EPHA6: variants seen among roughly 807,000 people sequenced by gnomAD.
The protein encoded by EPHA6 is ephrin type-A receptor 6.
In EPHA6, 50 loss-of-function variants were observed where a neutral mutation model predicts 112.0. The ratio of observed to expected loss-of-function variants is 0.45; its 90% CI spans 0.36 to 0.56. The LOEUF (loss-of-function observed/expected upper bound fraction) is 0.56. Among genes scored for constraint, EPHA6 ranks in the 20% least tolerant of loss-of-function variants. EPHA6 has a pLI of 0.00. For synonymous variants in EPHA6, 529 were observed against 490.7 expected (o/e 1.08, Z -1.03); for missense variants, 1,280 against 1,417.4 (o/e 0.90, Z 1.56).
chr3:97,214,059 G>T (rs9871739), intron 3 of EPHA6, among the ~76,000 whole-genome samples: 21,272 of 150,952 alleles, frequency 0.14, 1,945 homozygotes, highest in Non-Finnish European at 0.22. Context: ...GAGAGAGGGA[G>T]AGGGAGTCTC....
intron 2 of EPHA6, among the ~76,000 whole-genome samples, chr3:96,936,171 T>TA (rs2040571403): frequency 6.6e-6 from 1 of 152,096 alleles, no homozygotes. Context: ...TCTATTTTTT[T>TA]AAATGGAAAG....
intron 3 of EPHA6, among the ~76,000 whole-genome samples, chr3:97,155,741 A>G (rs1298956655): frequency 1.3e-5 from 2 of 152,104 alleles, no homozygotes; most frequent in African/African-American, 4.8e-5. Flanking sequence ...GCTGTCATCC[A>G]GGGACCAATT....
intron 13 of EPHA6, among the ~76,000 whole-genome samples, chr3:97,630,549 C>T (rs893005103): frequency 2.6e-5 from 4 of 151,968 alleles, no homozygotes; most frequent in Non-Finnish European, 5.9e-5. Context: ...AGAAGTAATC[C>T]TCCAAGGACT....
At chr3:97,363,253 C>G (rs2084505680) in intron 5 of EPHA6, among the ~76,000 whole-genome samples, 1 of 96,274 alleles carries the variant, frequency 1.0e-5, no homozygotes, top group Admixed American at 1.3e-4. Flanking sequence ...TCAGATGCTA[C>G]AAAAACTAAA....
chr3:97,376,568 T>C (rs1404065412), intron 5 of EPHA6, among the ~76,000 whole-genome samples: 1 of 152,324 alleles, frequency 6.6e-6, no homozygotes, highest in Admixed American at 6.5e-5. Context: ...TGTTGACTTC[T>C]TTTTCTGAAA....
chr3:97,036,147 G>T (rs1479354297), intron 3 of EPHA6, among the ~76,000 whole-genome samples: 1 of 151,910 alleles, frequency 6.6e-6, no homozygotes, highest in African/African-American at 2.4e-5. Flanking sequence ...CATTTTTGTT[G>T]TTTATAAGCC....
chr3:97,551,574 G>A (rs1429260410), intron 11 of EPHA6, among the ~76,000 whole-genome samples: 1 of 151,944 alleles, frequency 6.6e-6, no homozygotes, highest in African/African-American at 2.4e-5. Context: ...TTTGAAATAG[G>A]TTTAGTTTTT....
At chr3:97,544,563 T>C (rs2092917555) in intron 11 of EPHA6, among the ~76,000 whole-genome samples, 1 of 152,192 alleles carries the variant, frequency 6.6e-6, no homozygotes, top group Non-Finnish European at 1.5e-5. Context: ...CTTTTTTTGT[T>C]GTGTCTCTGC....
chr3:97,331,538 T>A (rs2082799216), intron 5 of EPHA6, among the ~76,000 whole-genome samples: 1 of 151,780 alleles, frequency 6.6e-6, no homozygotes, highest in African/African-American at 2.4e-5. Flanking sequence ...ATCAAATAGA[T>A]GCAATAAAAA....
chr3:97,171,564 A>G (rs976899622), intron 3 of EPHA6, among the ~76,000 whole-genome samples: 4 of 152,144 alleles, frequency 2.6e-5, no homozygotes, highest in African/African-American at 9.6e-5. Context: ...TAGAAGTGAC[A>G]TGATTTCTGG....
Position 97,448,726 on chromosome 3 carries a change from T to C in EPHA6, c.1890T>C (p.Asp630=), listed in dbSNP as rs759506060. Residue 630 remains aspartate, a synonymous_variant, in exon 7 of 18, where the codon GAT becomes GAC. Coordinates refer to ENST00000389672, the MANE Select transcript of EPHA6 (RefSeq NM_001080448.3). The part of the protein sequence containing the change: ...YSQKFEFETG[D]ETSDMAAEQG... ...AGAAATTTGAATTTGAAACAGGAGA[T>C]GAAAGTAAGTTTCACACAAGGATAT... 1 of 1,613,194 alleles carries C rather than the reference T, an allele frequency of 6.2e-7. No homozygotes were observed. The highest frequency in any genetic ancestry group is 8.5e-7 in the Non-Finnish European group (1 of 1,179,346).
intron 3 of EPHA6, among the ~76,000 whole-genome samples, chr3:97,213,710 T>C (rs1376716601): frequency 1.3e-5 from 2 of 152,168 alleles, no homozygotes; most frequent in Non-Finnish European, 2.9e-5. Flanking sequence ...TACTTCTACT[T>C]TGAGTCCTCA....
chr3:97,189,561 C>A (rs2077245536), intron 3 of EPHA6, among the ~76,000 whole-genome samples: 1 of 152,054 alleles, frequency 6.6e-6, no homozygotes, highest in Admixed American at 6.6e-5. Flanking sequence ...TGCAGTGCAA[C>A]AGGGTTCTAC....
At chr3:97,510,092 C>T (rs931223175) in intron 10 of EPHA6, among the ~76,000 whole-genome samples, 1 of 152,096 alleles carries the variant, frequency 6.6e-6, no homozygotes, top group African/African-American at 2.4e-5. Context: ...TTCCTCTAAC[C>T]TTTTCTCAAG....
chr3:97,575,517 TAA>T (rs1303172688), intron 11 of EPHA6, among the ~76,000 whole-genome samples: 1 of 152,106 alleles, frequency 6.6e-6, no homozygotes, highest in Non-Finnish European at 1.5e-5. Context: ...ATTCCTGGCA[TAA>T]AAAAACATCT....
chr3:97,201,112 A>G (rs1008514663), intron 3 of EPHA6, among the ~76,000 whole-genome samples: 7 of 152,114 alleles, frequency 4.6e-5, no homozygotes, highest in African/African-American at 1.2e-4. Context: ...ATAAAAGCCA[A>G]TGTATTAGCT....
intron 3 of EPHA6, among the ~76,000 whole-genome samples, chr3:97,059,758 A>T (rs955352006): frequency 1.8e-4 from 28 of 151,466 alleles, no homozygotes; most frequent in Non-Finnish European, 3.8e-4. Context: ...TTTATAATAA[A>T]TAAATATTCA....
In EPHA6 at chr3:97,428,637, C is replaced by T. The variant is rs191149501; in HGVS notation, c.1732-19931C>T. 5.9e-5 allele frequency among the ~76,000 whole-genome samples: 9 copies of T among 152,192 alleles called. No homozygotes were observed. The East Asian group carries it at 1.4e-3, about 23-fold the overall frequency. On this transcript the variant is annotated intron_variant, in intron 6 of 17. Transcript: ENST00000389672. Reference sequence around the variant, plus strand: ...CATATTTTATTTAACTGGGTGTTTTCCAAATACATTTTCCCTCAGTGGCGA... The same window carrying T: ...CATATTTTATTTAACTGGGTGTTTTTCAAATACATTTTCCCTCAGTGGCGA...
At chr3:97,600,677 A>G (rs1211505773) in intron 12 of EPHA6, among the ~76,000 whole-genome samples, 1 of 152,008 alleles carries the variant, frequency 6.6e-6, no homozygotes, top group African/African-American at 2.4e-5. Flanking sequence ...CAATTTTAGG[A>G]AGTCTCTGGA....
Sources: gnomAD v4.1 joint callset for allele counts (sites outside exome capture counted in the v4.1 genomes callset) on GRCh38, gnomAD v4.1.1 for gene constraint, MANE v1.5 for transcripts, NCBI Gene and HGNC (gene_info 2026-07-23, HGNC 2026-07-21) for gene names.